The following CTBP1 variants were observed in gnomAD, a reference collection of about 807,000 sequenced individuals.
CTBP1 encodes the protein C-terminal-binding protein 1.
CTBP1 carries 11 observed loss-of-function variants against 42.1 expected under a neutral mutation model. The observed-to-expected ratio is 0.26, with a 90% CI of 0.16 to 0.43. The LOEUF (loss-of-function observed/expected upper bound fraction) is 0.43, where lower values mean the gene tolerates loss of function less well. CTBP1 is among the 20% of genes least tolerant of loss of function. The pLI, the probability that CTBP1 is intolerant of heterozygous loss-of-function variation, is 1.00. For synonymous variants in CTBP1, 324 were observed against 277.1 expected, an observed-to-expected ratio of 1.17 and a Z score of -1.68; for missense variants, 399 against 624.3, an observed-to-expected ratio of 0.64 and a Z score of 3.85.
In CTBP1 at chr4:1,225,591, C is replaced by T. The variant is rs1382154487; in HGVS notation, c.308-25G>A. ...CCTGTGGGGACAAGGACACGGCGGT[C>T]ACCCCCGGGCCGGGCCCAGCCTCCG... On this transcript the variant is annotated intron_variant, in intron 4 of 9. Coordinates refer to ENST00000382952, the MANE Select transcript of CTBP1 (RefSeq NM_001012614.2). The T allele has an allele frequency of 2.6e-6, 4 of 1,530,984 alleles. No homozygotes were observed. In the Admixed American group the frequency reaches 7.9e-5, roughly 30 times the overall value. 94.8% of individuals were successfully genotyped at this position (1,530,984 alleles called of 1,614,324 possible).
At chr4:1,213,675 G>T in intron 7 of CTBP1, 70 bp from the exon 8 acceptor site, 1 of 1,541,336 alleles carries the variant, frequency 6.5e-7, no homozygotes, top group South Asian at 1.2e-5. Context: ...AGGTGGCTGG[G>T]CACTGGAACC....
intron 8 of CTBP1, 75 bp from the exon 9 acceptor site, chr4:1,213,105 A>G: frequency 1.6e-6 from 2 of 1,253,558 alleles, no homozygotes; most frequent in Non-Finnish European, 2.3e-6. Context: ...GGTTGAAGAC[A>G]CGGGCAGCAG....
intron 5 of CTBP1, among the ~76,000 whole-genome samples, chr4:1,219,047 A>G (rs749807413): frequency 6.6e-6 from 1 of 151,708 alleles, no homozygotes; most frequent in African/African-American, 2.4e-5. Flanking sequence ...CATAAAAGAC[A>G]GAAGTCAGGC....
intron 1 of CTBP1, among the ~76,000 whole-genome samples, chr4:1,248,031 G>C (rs891959534): frequency 2.0e-5 from 3 of 152,248 alleles, no homozygotes; most frequent in Non-Finnish European, 4.4e-5. Context: ...TCTCGGCCCG[G>C]GGCTCAGGCG....
At chr4:1,220,203 A>C (rs1412568934) in intron 5 of CTBP1, among the ~76,000 whole-genome samples, 1 of 150,598 alleles carries the variant, frequency 6.6e-6, no homozygotes, top group Non-Finnish European at 1.5e-5. Flanking sequence ...TCTGTCTCAA[A>C]AAAAAAAAAA....
At position 1,212,236 on chromosome 4, in the gene CTBP1, C is replaced by G. The variant is rs968456186; in HGVS notation, c.*4G>C. The G allele has an allele frequency of 6.9e-6, 9 of 1,308,920 alleles. No homozygotes were observed. The highest frequency in any genetic ancestry group is 8.9e-6 in the Non-Finnish European group (9 of 1,006,826). 81.1% of individuals were successfully genotyped at this position (1,308,920 alleles called of 1,614,324 possible). On this transcript the variant is annotated 3_prime_UTR_variant, in exon 10 of 10. Transcript: ENST00000382952. ...GGCGCCGAGGCTGGAGAGCTCCTCC[C>G]GGGCTACAACTGGTCACTGGCGTGG... is the stretch of plus-strand genomic sequence containing the variant.
chr4:1,221,079 T>G (rs1056080318), intron 5 of CTBP1, among the ~76,000 whole-genome samples: 9 of 152,238 alleles, frequency 5.9e-5, no homozygotes, highest in African/African-American at 1.9e-4. Flanking sequence ...ATTTTGAAAT[T>G]ATGAAAATAT....
rs1731211040 is a variant in CTBP1, at chr4:1,233,838, G to T, written c.162+4345C>A. On this transcript the variant is annotated intron_variant, in intron 3 of 9. Transcript: ENST00000382952. The surrounding 1 kb of genome is among the most constrained non-coding windows in gnomAD (Gnocchi z 4.6). ...CGGGAAGTTTCTGCCCCAGGAGGCA[G>T]AATTCCTGACTAACAGTGGCACACA... Among the ~76,000 whole-genome samples, 1 of 152,236 alleles carries T rather than the reference G, an allele frequency of 6.6e-6. No individual in the cohort carries two copies. Among genetic ancestry groups the T allele is most frequent in the Non-Finnish European group, 1.5e-5 (1 of 68,044 alleles).
In CTBP1 at chr4:1,248,947, G is replaced by A. The variant is rs962899237; in HGVS notation, c.-220C>T. The stretch of plus-strand genomic sequence containing the variant: ...GCAGGCCCTTGTTGAGCAAGTGCGA[G>A]CTGCCCATCGAGAGGCGCGAGCGGC... On this transcript the variant is annotated 5_prime_UTR_variant, in exon 1 of 10. Coordinates refer to ENST00000382952, the MANE Select transcript of CTBP1 (RefSeq NM_001012614.2). The A allele has an allele frequency of 3.0e-6, 3 of 1,010,396 alleles. No homozygotes were observed. The highest frequency in any genetic ancestry group is 3.6e-6 in the Non-Finnish European group (3 of 840,780). 62.6% of individuals were successfully genotyped at this position (1,010,396 alleles called of 1,614,324 possible). A position where few individuals can be genotyped will look rare whatever the true frequency, so the allele number is the denominator to read the frequency against.
intron 7 of CTBP1, 97 bp downstream of exon 7, chr4:1,214,246 G>C (rs928052894): frequency 7.2e-7 from 1 of 1,389,494 alleles, no homozygotes; most frequent in South Asian, 1.6e-5. Context: ...CTGAGTACAG[G>C]CAAGTGTCCG....
chr4:1,241,612 C>T (rs1732183931), intron 1 of CTBP1, 93 bp from the exon 2 acceptor site: 1 of 1,445,554 alleles, frequency 6.9e-7, no homozygotes, highest in Non-Finnish European at 9.2e-7. Context: ...GTGGACCTCA[C>T]TGCATCTGCC....
intron 1 of CTBP1, chr4:1,245,576 C>T (rs934147355): frequency 1.0e-6 from 1 of 981,326 alleles, no homozygotes; most frequent in Non-Finnish European, 1.2e-6. Context: ...GGCACGGTGA[C>T]ACGGGCGGCA....
At chr4:1,227,861 G>T (rs920057648) in intron 4 of CTBP1, among the ~76,000 whole-genome samples, 1 of 152,232 alleles carries the variant, frequency 6.6e-6, no homozygotes, top group Admixed American at 6.5e-5. Flanking sequence ...AGAGACCTAT[G>T]AGCCCTATTA....
intron 3 of CTBP1, chr4:1,232,771 C>T (rs1421266974): frequency 6.6e-6 from 1 of 152,236 alleles, no homozygotes; most frequent in Non-Finnish European, 1.5e-5. Context: ...TTCATTCAAA[C>T]ACGTGGCCGC....
chr4:1,248,572 G>T, intron 1 of CTBP1: 1 of 585,594 alleles, frequency 1.7e-6, no homozygotes. Flanking sequence ...CGGGACCCGG[G>T]GTGCCGTCCC....
intron 4 of CTBP1, among the ~76,000 whole-genome samples, chr4:1,226,481 C>T (rs1212522068): frequency 6.6e-6 from 1 of 151,720 alleles, no homozygotes; most frequent in East Asian, 1.9e-4. Flanking sequence ...GCAGGGGCTG[C>T]ATAGCCCCTA....
chr4:1,227,146 T>C (rs1209622575), intron 4 of CTBP1, among the ~76,000 whole-genome samples: 27 of 152,102 alleles, frequency 1.8e-4, no homozygotes, highest in African/African-American at 7.2e-5. Flanking sequence ...TGCAGACACA[T>C]GTGCATGTTC....
chr4:1,241,722 G>A, intron 1 of CTBP1: 1 of 1,212,014 alleles, frequency 8.3e-7, no homozygotes, highest in Non-Finnish European at 1.0e-6. Flanking sequence ...CTCACCCTGA[G>A]GTTGCAGTGC....
intron 1 of CTBP1, chr4:1,242,725 G>A (rs1410670632): frequency 1.0e-6 from 1 of 985,196 alleles, no homozygotes; most frequent in Non-Finnish European, 1.2e-6. Context: ...ACCTGCGCCT[G>A]AGCCCCCATG....
Sources: gnomAD v4.1 joint callset for allele counts (sites outside exome capture counted in the v4.1 genomes callset) on GRCh38, gnomAD v4.1.1 for gene constraint, Gnocchi (gnomAD v3.1) non-coding constraint, MANE v1.5 for transcripts, NCBI Gene and HGNC (gene_info 2026-07-23, HGNC 2026-07-21) for gene names.